The following SLC14A2 variants were observed in gnomAD, a reference collection of about 807,000 sequenced individuals.
SLC14A2 encodes the protein solute carrier family 14 member 2.
SLC14A2 carries 91 observed loss-of-function variants against 104.6 expected under a neutral mutation model. The ratio of observed to expected loss-of-function variants is 0.87; its 90% confidence interval spans 0.73 to 1.04. SLC14A2 has a LOEUF of 1.04. Among genes scored for constraint, SLC14A2 ranks in the 50% least tolerant of loss-of-function variants. The pLI, the probability that SLC14A2 is intolerant of heterozygous loss-of-function variation, is 0.00. For missense variants in SLC14A2, 1,189 were observed against 1,156.0 expected (o/e 1.03, Z -0.41); for synonymous variants, 476 against 466.4 (o/e 1.02, Z -0.27).
At chr18:45,176,177 A>T in the SLC14A2 span, among the ~76,000 whole-genome samples, 1 of 152,170 alleles carries the variant, frequency 6.6e-6, no homozygotes, top group Non-Finnish European at 1.5e-5. Flanking sequence ...ATAATCACTA[A>T]GGTTCCTAAG....
chr18:45,398,264 T>A lies in SLC14A2; in HGVS notation c.-124-84969T>A, dbSNP rs182554241. 7.9e-5 allele frequency among the ~76,000 whole-genome samples: 12 copies of A among 152,240 alleles called. No individual in the cohort carries two copies. In the East Asian group the frequency reaches 2.3e-3, roughly 29 times the overall value. Reference sequence around the variant, plus strand: ...CTTCTCTTCTTCCTTTTTCTCAGCATTGAGTGTGTGGCTGAGATCAAGGAT... The same window carrying A: ...CTTCTCTTCTTCCTTTTTCTCAGCAATGAGTGTGTGGCTGAGATCAAGGAT... On this transcript the variant is annotated intron_variant, in intron 1 of 20. Coordinates refer to the SLC14A2 transcript ENST00000586448.
intron 1 of SLC14A2, among the ~76,000 whole-genome samples, chr18:45,338,421 T>A (rs889447508): frequency 5.9e-5 from 9 of 152,076 alleles, no homozygotes; most frequent in African/African-American, 9.7e-5. Flanking sequence ...CAGGATGGTT[T>A]CGATCTCCTG....
chr18:45,276,558 T>C (rs1341158451), intron 1 of SLC14A2, among the ~76,000 whole-genome samples: 1 of 152,216 alleles, frequency 6.6e-6, no homozygotes, highest in African/African-American at 2.4e-5. Flanking sequence ...TGATATCTGA[T>C]AGAAAAAGCC....
intron 4 of SLC14A2, among the ~76,000 whole-genome samples, chr18:45,631,822 T>C (rs1008701028): frequency 1.3e-5 from 2 of 152,212 alleles, no homozygotes; most frequent in Non-Finnish European, 2.9e-5. Context: ...GGTTTCACCA[T>C]GTTGCCCAGG....
the SLC14A2 span, among the ~76,000 whole-genome samples, chr18:45,182,609 G>A: frequency 1.3e-5 from 2 of 151,710 alleles, no homozygotes; most frequent in Non-Finnish European, 2.9e-5. Flanking sequence ...GACATCAGAA[G>A]CTTTCCTATG....
intron 2 of SLC14A2, among the ~76,000 whole-genome samples, chr18:45,526,421 C>T (rs531616649): frequency 6.6e-6 from 1 of 152,184 alleles, no homozygotes; most frequent in Non-Finnish European, 1.5e-5. Context: ...TGCTTTCAGA[C>T]ATCCTACCAA....
At chr18:45,366,406 C>G (rs2085666092) in intron 1 of SLC14A2, among the ~76,000 whole-genome samples, 1 of 152,166 alleles carries the variant, frequency 6.6e-6, no homozygotes, top group Admixed American at 6.5e-5. Flanking sequence ...ATGTGACAAT[C>G]AGAGAGACAA....
chr18:45,280,638 T>A (rs1443341470), intron 1 of SLC14A2, among the ~76,000 whole-genome samples: 1 of 152,142 alleles, frequency 6.6e-6, no homozygotes, highest in African/African-American at 2.4e-5. Context: ...TGAGCTCTGC[T>A]CCCTGACTCT....
At chr18:45,376,113 G>A (rs1288095439) in intron 1 of SLC14A2, among the ~76,000 whole-genome samples, 2 of 152,136 alleles carry the variant, frequency 1.3e-5, no homozygotes, top group Non-Finnish European at 2.9e-5. Flanking sequence ...TTTCTTTAAG[G>A]TACAGGGCAC....
At chr18:45,426,543 CAT>C (rs150966400) in intron 1 of SLC14A2, among the ~76,000 whole-genome samples, 25,281 of 134,902 alleles carry the variant, frequency 0.19, 2,913 homozygotes, top group African/African-American at 0.32. Flanking sequence ...ATGAGATCAG[CAT>C]GTGTGTGTGT....
At chr18:45,339,626 A>G (rs2085373265) in intron 1 of SLC14A2, among the ~76,000 whole-genome samples, 1 of 152,186 alleles carries the variant, frequency 6.6e-6, no homozygotes, top group Non-Finnish European at 1.5e-5. Flanking sequence ...ATCGCAAACA[A>G]TATAACTACA....
chr18:45,559,262 G>A (rs1403513808), intron 2 of SLC14A2, among the ~76,000 whole-genome samples: 1 of 152,220 alleles, frequency 6.6e-6, no homozygotes, highest in East Asian at 1.9e-4. Flanking sequence ...AAGAGGCACT[G>A]AGCATTTGGG....
chr18:45,646,532 T>C (rs2045630097), intron 10 of SLC14A2: 1 of 152,182 alleles, frequency 6.6e-6, no homozygotes, highest in Non-Finnish European at 1.5e-5. Flanking sequence ...CCCAAAGCAT[T>C]GGGTCTGATT....
At chr18:45,523,570 C>A (rs8095016) in intron 2 of SLC14A2, among the ~76,000 whole-genome samples, 5 of 149,800 alleles carry the variant, frequency 3.3e-5, no homozygotes, top group African/African-American at 1.2e-4. Context: ...CTCCTGACCT[C>A]GTGATCAGCC....
rs2085285189 is a variant in SLC14A2, at chr18:45,331,109, C to T, written c.-125+117918C>T. 2.0e-5 allele frequency among the ~76,000 whole-genome samples: 3 copies of T among 152,164 alleles called. No individual in the cohort carries two copies. The South Asian group carries it at 6.2e-4, about 31-fold the overall frequency. On this transcript the variant is annotated intron_variant, in intron 1 of 20. Transcript: ENST00000586448. Reference sequence around the variant, plus strand: ...ATAAAATAATTGGAGACATATATGACACCATTCAACCCACAACAGCCATAT... The same window carrying T: ...ATAAAATAATTGGAGACATATATGATACCATTCAACCCACAACAGCCATAT...
At chr18:45,588,611 C>T (rs2044601846) in intron 2 of SLC14A2, among the ~76,000 whole-genome samples, 1 of 152,190 alleles carries the variant, frequency 6.6e-6, no homozygotes, top group Non-Finnish European at 1.5e-5. Flanking sequence ...ACTAAAACTC[C>T]TCTCTGGTGA....
chr18:45,668,127 G>A, intron 14 of SLC14A2, 105 bp downstream of exon 14: 2 of 1,223,294 alleles, frequency 1.6e-6, no homozygotes, highest in Non-Finnish European at 2.3e-6. Flanking sequence ...TAAGGACACT[G>A]ACAACTAAAA....
chr18:45,182,586 GAA>G, the SLC14A2 span, among the ~76,000 whole-genome samples: 1 of 151,604 alleles, frequency 6.6e-6, no homozygotes, highest in African/African-American at 2.4e-5. Context: ...TTATAATACA[GAA>G]AAGATACATA....
At chr18:45,592,706 TG>T (rs1329621541) in intron 2 of SLC14A2, among the ~76,000 whole-genome samples, 9 of 152,228 alleles carry the variant, frequency 5.9e-5, no homozygotes, top group Non-Finnish European at 1.3e-4. Flanking sequence ...TCTGTCTGGC[TG>T]TCTCTGGCAA....
Sources: allele counts gnomAD v4.1 joint callset (sites outside exome capture counted in the v4.1 genomes callset), GRCh38; gene constraint gnomAD v4.1.1; transcripts MANE v1.5; gene names NCBI Gene and HGNC (gene_info 2026-07-23, HGNC 2026-07-21).